Variants in ANO2 observed in about 807,000 individuals in gnomAD.
ANO2 encodes anoctamin-2.
ANO2 carries 101 observed loss-of-function variants against 124.2 expected under a neutral mutation model. The observed-to-expected ratio is 0.81, with a 90% confidence interval of 0.69 to 0.96. The LOEUF is 0.96. Ranked by LOEUF, ANO2 falls within the 40% of genes least tolerant of loss-of-function variation. ANO2 has a pLI of 0.00. For synonymous variants in ANO2, 486 were observed against 482.5 expected (o/e 1.01, Z -0.09); for missense variants, 1,293 against 1,274.5 (o/e 1.01, Z -0.22).
intron 14 of ANO2, among the ~76,000 whole-genome samples, chr12:5,699,465 C>A (rs1949318329): frequency 1.3e-5 from 2 of 152,186 alleles, no homozygotes; most frequent in South Asian, 4.2e-4. Flanking sequence ...AAAGGAACAA[C>A]CCATACCAGC....
At chr12:5,585,408 G>A (rs948682475) in intron 20 of ANO2, among the ~76,000 whole-genome samples, 1 of 152,230 alleles carries the variant, frequency 6.6e-6, no homozygotes. Flanking sequence ...AGAGTTTACT[G>A]CATGCAAAGC....
At chr12:5,822,748 A>G (rs1953844351) in intron 7 of ANO2, among the ~76,000 whole-genome samples, 1 of 152,192 alleles carries the variant, frequency 6.6e-6, no homozygotes, top group Non-Finnish European at 1.5e-5. Context: ...CCTGTACGCA[A>G]TGCTTCTGCC....
chr12:5,763,869 A>C (rs1410359850), intron 10 of ANO2, among the ~76,000 whole-genome samples: 1 of 152,194 alleles, frequency 6.6e-6, no homozygotes, highest in Admixed American at 6.5e-5. Context: ...AAAGTCAATG[A>C]AACTAAAAAC....
At chr12:5,666,444 G>C (rs1189679827) in intron 14 of ANO2, among the ~76,000 whole-genome samples, 1 of 152,130 alleles carries the variant, frequency 6.6e-6, no homozygotes, top group Admixed American at 6.5e-5. Flanking sequence ...AGGTATCCCA[G>C]GACTGCCCGA....
chr12:5,855,399 A>G (rs540250573), intron 3 of ANO2, among the ~76,000 whole-genome samples: 2 of 152,382 alleles, frequency 1.3e-5, no homozygotes, highest in African/African-American at 4.8e-5. Flanking sequence ...ATGCAAGTGA[A>G]AACTATTTCT....
At chr12:5,610,735 T>C (rs1161506863) in intron 19 of ANO2, among the ~76,000 whole-genome samples, 3 of 141,070 alleles carry the variant, frequency 2.1e-5, no homozygotes, top group Non-Finnish European at 3.0e-5. Flanking sequence ...TATATATATA[T>C]ATATATATGA....
chr12:5,781,408 C>T (rs1752271866), intron 10 of ANO2, among the ~76,000 whole-genome samples: 3 of 152,190 alleles, frequency 2.0e-5, no homozygotes, highest in African/African-American at 7.2e-5. Flanking sequence ...GGCCCTGTGC[C>T]TAGCTGAGTC....
At chr12:5,583,995 A>T in intron 20 of ANO2, 1 of 241,362 alleles carries the variant, frequency 4.1e-6, no homozygotes. Flanking sequence ...GAATGATCTC[A>T]CCTTCCTTCG....
At chr12:5,761,079 T>A (rs1217854512) in intron 10 of ANO2, among the ~76,000 whole-genome samples, 27 of 114,404 alleles carry the variant, frequency 2.4e-4, no homozygotes, top group East Asian at 2.2e-3. Context: ...AAAAAAAAAA[T>A]TCCGTAGACT....
intron 21 of ANO2, 54 bp downstream of exon 21, chr12:5,578,312 G>A (rs1942538357): frequency 6.3e-7 from 1 of 1,585,080 alleles, no homozygotes; most frequent in Middle Eastern, 1.9e-4. Context: ...GTGGCCAGAG[G>A]GGACAGAATG....
At chr12:5,596,251 G>A (rs1235304567) in intron 20 of ANO2, among the ~76,000 whole-genome samples, 1 of 152,156 alleles carries the variant, frequency 6.6e-6, no homozygotes, top group Non-Finnish European at 1.5e-5. Context: ...AGATAGGCAA[G>A]TGAACTATGG....
intron 11 of ANO2, among the ~76,000 whole-genome samples, chr12:5,748,825 G>T (rs1951348840): frequency 7.3e-6 from 1 of 137,120 alleles, no homozygotes; most frequent in African/African-American, 2.8e-5. Flanking sequence ...CTTGCCCTCG[G>T]CCTCCCTCCC....
At chr12:5,732,122 AG>A (rs1242938496) in intron 14 of ANO2, among the ~76,000 whole-genome samples, 1 of 152,230 alleles carries the variant, frequency 6.6e-6, no homozygotes, top group Non-Finnish European at 1.5e-5. Flanking sequence ...ACTTATTGTG[AG>A]ATAATGTAAT....
At chr12:5,665,272 C>T (rs1278064977) in intron 14 of ANO2, among the ~76,000 whole-genome samples, 1 of 152,140 alleles carries the variant, frequency 6.6e-6, no homozygotes, top group Non-Finnish European at 1.5e-5. Flanking sequence ...ATCTTCTCAT[C>T]CTATCTCCTG....
At chr12:5,827,960 C>T (rs1201232895) in intron 6 of ANO2, 140 bp from the exon 7 acceptor site, 10 of 857,972 alleles carry the variant, frequency 1.2e-5, no homozygotes, top group Non-Finnish European at 1.8e-5. Flanking sequence ...ATGTGCCTGG[C>T]TCATGGCCCG....
intron 14 of ANO2, among the ~76,000 whole-genome samples, chr12:5,673,225 G>A (rs1257968730): frequency 6.6e-6 from 1 of 152,188 alleles, no homozygotes; most frequent in Non-Finnish European, 1.5e-5. Flanking sequence ...TGCTAGTTTT[G>A]TGGACAAGAA....
intron 10 of ANO2, among the ~76,000 whole-genome samples, chr12:5,771,242 T>A (rs1280361210): frequency 1.3e-5 from 2 of 152,156 alleles, no homozygotes; most frequent in African/African-American, 4.8e-5. Context: ...ATAAAGCCTA[T>A]CCCTGTTCTG....
intron 23 of ANO2, 110 bp downstream of exon 23, chr12:5,575,724 G>A: frequency 7.8e-7 from 1 of 1,278,848 alleles, no homozygotes; most frequent in Non-Finnish European, 1.1e-6. Context: ...GTCTGCTGTT[G>A]TCCAAAACAT....
chr12:5,833,873 C>T (rs1184290735), intron 4 of ANO2, among the ~76,000 whole-genome samples: 1 of 152,058 alleles, frequency 6.6e-6, no homozygotes, highest in African/African-American at 2.4e-5. Context: ...TCCCTGGTGC[C>T]AAAAAGGTTG....
Sources: gnomAD v4.1 joint callset for allele counts (sites outside exome capture counted in the v4.1 genomes callset) on GRCh38, gnomAD v4.1.1 for gene constraint, MANE v1.5 for transcripts, NCBI Gene and HGNC (gene_info 2026-07-23, HGNC 2026-07-21) for gene names.